The following SCARB1 variants were observed in gnomAD, a reference collection of about 807,000 sequenced individuals.
SCARB1 encodes the protein scavenger receptor class B member 1.
SCARB1 carries 30 observed loss-of-function variants against 57.2 expected under a neutral mutation model. The observed-to-expected ratio is 0.52, with a 90% CI of 0.39 to 0.71. SCARB1 has a LOEUF of 0.71. Among genes scored for constraint, SCARB1 ranks in the 30% least tolerant of loss-of-function variants. The pLI, the probability that SCARB1 is intolerant of heterozygous loss-of-function variation, is 0.00. For missense variants in SCARB1, 543 were observed against 671.2 expected (o/e 0.81, Z 2.11); for synonymous variants, 249 against 268.3 (o/e 0.93, Z 0.70).
chr12:124,841,044 G>T (rs755770686), intron 1 of SCARB1, among the ~76,000 whole-genome samples: 1 of 152,008 alleles, frequency 6.6e-6, no homozygotes, highest in Non-Finnish European at 1.5e-5. Context: ...TGGCACGCAC[G>T]TGTAATCCCA....
intron 1 of SCARB1, among the ~76,000 whole-genome samples, chr12:124,824,539 T>C (rs1001008540): frequency 6.6e-6 from 1 of 152,264 alleles, no homozygotes; most frequent in African/African-American, 2.4e-5. Context: ...AACTGGATCT[T>C]AATCACAATT....
rs568386381 is a variant in SCARB1, at chr12:124,847,891, A to G, written c.126+15704T>C. 1.3e-3 allele frequency among the ~76,000 whole-genome samples: 203 copies of G among 152,162 alleles called. 1 individual carries two copies. The highest frequency in any genetic ancestry group is 2.0e-3 in the Non-Finnish European group (137 of 68,032). Reference sequence around the variant, plus strand: ...TTGTGTGGGAGTCTGTGGGAAGACCACGTGCACTCCTGAGAAAGCAATCAG... The same window carrying G: ...TTGTGTGGGAGTCTGTGGGAAGACCGCGTGCACTCCTGAGAAAGCAATCAG... On this transcript the variant is annotated intron_variant, in intron 1 of 12. Transcript: ENST00000261693.
intron 1 of SCARB1, among the ~76,000 whole-genome samples, chr12:124,836,123 A>G (rs957864293): frequency 6.6e-6 from 1 of 152,248 alleles, no homozygotes; most frequent in Non-Finnish European, 1.5e-5. Flanking sequence ...TTAATCCAAC[A>G]GGATTCCTGC....
intron 1 of SCARB1, among the ~76,000 whole-genome samples, chr12:124,823,715 C>T (rs79584515): frequency 0.018 from 2,676 of 152,238 alleles, 88 homozygotes; most frequent in African/African-American, 0.062. Flanking sequence ...TGGGCGAAAA[C>T]GACCCAAGAG....
intron 1 of SCARB1, among the ~76,000 whole-genome samples, chr12:124,840,743 A>C (rs557455461): frequency 2.0e-5 from 3 of 151,718 alleles, no homozygotes; most frequent in Non-Finnish European, 4.4e-5. Flanking sequence ...CTGAAAAAAA[A>C]CTCGAATATG....
At chr12:124,851,007 C>T (rs542299103) in intron 1 of SCARB1, among the ~76,000 whole-genome samples, 1 of 152,318 alleles carries the variant, frequency 6.6e-6, no homozygotes, top group African/African-American at 2.4e-5. Context: ...CGACCCAAGG[C>T]TGACCAATCA....
intron 12 of SCARB1, 28 bp from the exon 13 acceptor site, chr12:124,778,614 C>A (rs148694026): frequency 3.2e-4 from 447 of 1,412,386 alleles, no homozygotes; most frequent in Admixed American, 5.0e-4. Flanking sequence ...GCTGGGTGAC[C>A]ACCCACGCCC....
intron 11 of SCARB1, chr12:124,784,026 C>A (rs1949419520): frequency 6.6e-6 from 1 of 152,216 alleles, no homozygotes; most frequent in South Asian, 2.1e-4. Context: ...GACCCTCCTT[C>A]CCTGTCCCCA....
At chr12:124,787,814 G>T (rs907638623) in intron 9 of SCARB1, among the ~76,000 whole-genome samples, 3 of 151,992 alleles carry the variant, frequency 2.0e-5, no homozygotes, top group Non-Finnish European at 4.4e-5. Context: ...GGCCAGGAGG[G>T]ATTTGATTCT....
intron 9 of SCARB1, among the ~76,000 whole-genome samples, chr12:124,788,055 A>G (rs1949585487): frequency 6.6e-6 from 1 of 152,184 alleles, no homozygotes; most frequent in Non-Finnish European, 1.5e-5. Context: ...TATGCTATAC[A>G]GGGTTCAGTA....
At chr12:124,832,139 C>T (rs1229249011) in intron 1 of SCARB1, among the ~76,000 whole-genome samples, 2 of 152,204 alleles carry the variant, frequency 1.3e-5, no homozygotes, top group African/African-American at 4.8e-5. Flanking sequence ...AAATGTATCC[C>T]ATTCCTTTAA....
At chr12:124,819,320 G>GT (rs902992626) in intron 1 of SCARB1, among the ~76,000 whole-genome samples, 13 of 152,186 alleles carry the variant, frequency 8.5e-5, no homozygotes, top group African/African-American at 2.9e-4. Context: ...GAGCCTCCCT[G>GT]TGTGGCTGAG....
chr12:124,814,855 C>G lies in SCARB1; in HGVS notation c.426+118G>C. The G allele has an allele frequency of 1.5e-6, 2 of 1,330,344 alleles. No homozygotes were observed. The highest frequency in any genetic ancestry group is 2.1e-6 in the Non-Finnish European group (2 of 948,986). The allele number at this position is 1,330,344 out of a possible 1,614,324, so 82.4% of individuals were successfully genotyped here. A position where few individuals can be genotyped will look rare whatever the true frequency, so the allele number is the denominator to read the frequency against. On this transcript the variant is annotated intron_variant, in intron 3 of 12. Transcript: ENST00000261693. The surrounding 1 kb of genome is among the most constrained non-coding windows in gnomAD (Gnocchi z 4.7). The stretch of plus-strand genomic sequence containing the variant: ...ACAGGGCCGAAAGCCACCCACCAGG[C>G]GTGAGTCCCCACGCTCCGACCACCT...
chr12:124,814,527 T>A lies in SCARB1; in HGVS notation c.427-122A>T. ...GAAATGCTGGGGTGCAGGAGGCCCC[T>A]GGAGTGGCCACGTGGGGCATCTGGG... On this transcript the variant is annotated intron_variant, in intron 3 of 12. Transcript: ENST00000261693. The surrounding 1 kb of genome is among the most constrained non-coding windows in gnomAD (Gnocchi z 4.7). 4 of 1,040,694 alleles carry A rather than the reference T, an allele frequency of 3.8e-6. No homozygotes were observed. In the Admixed American group the frequency reaches 7.8e-5, roughly 20 times the overall value. The allele number at this position is 1,040,694 out of a possible 1,614,324, so 64.5% of individuals were successfully genotyped here. A position where few individuals can be genotyped will look rare whatever the true frequency, so the allele number is the denominator to read the frequency against.
chr12:124,823,001 T>C (rs1170295336), intron 1 of SCARB1, among the ~76,000 whole-genome samples: 1 of 152,216 alleles, frequency 6.6e-6, no homozygotes, highest in Non-Finnish European at 1.5e-5. Flanking sequence ...TTACTACCTT[T>C]AAAATATAAT....
Position 124,778,521 on chromosome 12 carries a change from G to T in SCARB1, c.*66C>A. 1 of 1,368,378 alleles carries T rather than the reference G, an allele frequency of 7.3e-7. No individual in the cohort carries two copies. The highest frequency in any genetic ancestry group is 9.4e-7 in the Non-Finnish European group (1 of 1,059,160). 84.8% of individuals were successfully genotyped at this position (1,368,378 alleles called of 1,614,324 possible). A position where few individuals can be genotyped will look rare whatever the true frequency, so the allele number is the denominator to read the frequency against. ...TGGGAGAGTCCGGGAGAAGCGGGGT[G>T]TAGGGGCTGGGGGGCCGGTCAGGCC... On this transcript the variant is annotated 3_prime_UTR_variant, in exon 13 of 13. Coordinates refer to ENST00000261693, the MANE Select transcript of SCARB1 (RefSeq NM_005505.5).
At chr12:124,798,634 C>T (rs1016301394) in intron 8 of SCARB1, among the ~76,000 whole-genome samples, 2 of 151,748 alleles carry the variant, frequency 1.3e-5, no homozygotes, top group African/African-American at 2.4e-5. Flanking sequence ...CCTGAGGTCA[C>T]GAGTTCGAGA....
intron 1 of SCARB1, among the ~76,000 whole-genome samples, chr12:124,827,813 G>A (rs77133945): frequency 0.025 from 3,791 of 152,148 alleles, 181 homozygotes; most frequent in African/African-American, 0.087. Context: ...CCGACCTGCC[G>A]TGTTGTTTCC....
intron 1 of SCARB1, among the ~76,000 whole-genome samples, chr12:124,833,395 G>A (rs56178603): frequency 0.15 from 22,974 of 151,850 alleles, 2,289 homozygotes; most frequent in East Asian, 0.4. Context: ...TCACTATGTT[G>A]CCCAAGCTGG....
Sources: gnomAD v4.1 joint callset for allele counts (sites outside exome capture counted in the v4.1 genomes callset) on GRCh38, gnomAD v4.1.1 for gene constraint, Gnocchi (gnomAD v3.1) non-coding constraint, MANE v1.5 for transcripts, NCBI Gene and HGNC (gene_info 2026-07-23, HGNC 2026-07-21) for gene names.